UGT3A2: variants seen among roughly 807,000 people sequenced by gnomAD.
UGT3A2 encodes UDP glycosyltransferase family 3 member A2, also known as UDP-glycosyltransferase 3A2.
A neutral mutation model predicts 39.8 loss-of-function variants in UGT3A2; 32 were observed. That is an observed-to-expected ratio of 0.80 (90% CI 0.61 to 1.08). The LOEUF is 1.08. Among genes scored for constraint, UGT3A2 ranks in the 50% least tolerant of loss-of-function variants. The pLI, the probability that UGT3A2 is intolerant of heterozygous loss-of-function variation, is 0.00. For missense variants in UGT3A2, 611 were observed against 637.1 expected (o/e 0.96, Z 0.44); for synonymous variants, 241 against 230.7 (o/e 1.04, Z -0.40).
intron 1 of UGT3A2, 27 bp downstream of exon 1, chr5:36,066,669 C>A (rs369246806): frequency 6.2e-7 from 1 of 1,613,812 alleles, no homozygotes; most frequent in African/African-American, 1.3e-5. Flanking sequence ...ACGCGCCTGT[C>A]TGGGAATTCT....
chr5:36,058,411 A>T (rs1486741362), intron 2 of UGT3A2, among the ~76,000 whole-genome samples: 1 of 152,324 alleles, frequency 6.6e-6, no homozygotes, highest in East Asian at 1.9e-4. Flanking sequence ...GAGGGTCGTG[A>T]TCAACTCAGG....
At chr5:36,053,569 C>T (rs1742416419) in intron 2 of UGT3A2, among the ~76,000 whole-genome samples, 1 of 152,216 alleles carries the variant, frequency 6.6e-6, no homozygotes. Flanking sequence ...ACTGTAAAGG[C>T]TTTAGCATCC....
chr5:36,036,207 C>A (rs1741824364), intron 6 of UGT3A2, among the ~76,000 whole-genome samples: 1 of 152,164 alleles, frequency 6.6e-6, no homozygotes, highest in Admixed American at 6.5e-5. Context: ...AAAGACTAGT[C>A]CCTACTCCAA....
At chr5:36,036,329 G>T (rs974900981) in intron 6 of UGT3A2, among the ~76,000 whole-genome samples, 1 of 152,170 alleles carries the variant, frequency 6.6e-6, no homozygotes. Flanking sequence ...TCACTCTGGG[G>T]AATGTTAGGC....
intron 6 of UGT3A2, among the ~76,000 whole-genome samples, 177 bp from the exon 7 acceptor site, chr5:36,036,151 G>A (rs1394706162): frequency 1.3e-5 from 2 of 152,198 alleles, no homozygotes; most frequent in African/African-American, 4.8e-5. Flanking sequence ...AAAGATCCAT[G>A]TATAATGCTA....
intron 6 of UGT3A2, among the ~76,000 whole-genome samples, chr5:36,037,272 A>G (rs139106571): frequency 6.6e-6 from 1 of 152,314 alleles, no homozygotes; most frequent in African/African-American, 2.4e-5. Context: ...TACAGACCTT[A>G]AGAAGTGTTA....
rs1215556580 is a variant in UGT3A2 at position 36,049,401 on chromosome 5, A to G, written c.331T>C (p.Leu111=). 1.3e-6 allele frequency: 2 copies of G among 1,560,754 alleles called. No homozygotes were observed. Among genetic ancestry groups the G allele is most frequent in the East Asian group, 2.3e-5 (1 of 44,418 alleles). Residue 111 remains leucine, a synonymous_variant, in exon 4 of 7, where the codon TTA becomes CTA. Transcript: ENST00000282507. Reference sequence around the variant, plus strand: ...AACGCCAAGTATTCTAGAACATTTAATAAGTTTTCAAATTTTCCTCTGTAA... The same window carrying G: ...AACGCCAAGTATTCTAGAACATTTAGTAAGTTTTCAAATTTTCCTCTGTAA... ...LGGRGKFENL[L]NVLEYLALQC...
At position 36,037,681 on chromosome 5, in the gene UGT3A2, A is replaced by G. The variant is rs1020856007; in HGVS notation, c.1295+116T>C. The G allele has an allele frequency of 1.3e-5, 14 of 1,105,518 alleles. No individual in the cohort carries two copies. In the Admixed American group the frequency reaches 3.1e-4, roughly 24 times the overall value. 68.5% of individuals were successfully genotyped at this position (1,105,518 alleles called of 1,614,324 possible). ...CACATATTATCCCATGTCCTGGAAA[A>G]TACAGTTTTAATCTAAAGCAAAACA... On this transcript the variant is annotated intron_variant, in intron 6 of 6. Transcript: ENST00000282507.
At chr5:36,064,179 C>T (rs1280288283) in intron 2 of UGT3A2, 70 bp downstream of exon 2, 1 of 1,382,056 alleles carries the variant, frequency 7.2e-7, no homozygotes, top group African/African-American at 1.5e-5. Flanking sequence ...TTTTGCTAAG[C>T]CTTTCTATGC....
rs1741795003 is a variant in UGT3A2 at position 36,035,665 on chromosome 5, A to G, written c.*33T>C. ...CTCCCTAGAAATGGTGACATCGCCC[A>G]CCAAACAGACCCCGCCAAGGCTGCA... On this transcript the variant is annotated 3_prime_UTR_variant, in exon 7 of 7. Transcript: ENST00000282507. The G allele has an allele frequency of 6.2e-7, 1 of 1,601,966 alleles. No homozygotes were observed. Among genetic ancestry groups the G allele is most frequent in the Non-Finnish European group, 8.5e-7 (1 of 1,171,536 alleles).
Position 36,039,498 on chromosome 5 carries a change from G to A in UGT3A2, c.1054C>T (p.Leu352Phe), listed in dbSNP as rs1327001189. 1.2e-6 allele frequency: 2 copies of A among 1,614,118 alleles called. No homozygotes were observed. Among genetic ancestry groups the A allele is most frequent in the East Asian group, 2.2e-5 (1 of 44,878 alleles). ...TTACCCAGGAGGTCACTCTGAGGAA[G>A]CCAGTCCACAATTTTCACATTTGCA... Reference protein sequence around the residue: ...LAANVKIVDWLPQSDLLAHPS... With the variant: ...LAANVKIVDWFPQSDLLAHPS... The change falls in exon 5 of 7, where the codon CTT becomes TTT. Residue 352 changes from leucine to phenylalanine, a missense_variant. By Grantham distance (22) the Leu-to-Phe change is conservative. Transcript: ENST00000282507.
intron 4 of UGT3A2, among the ~76,000 whole-genome samples, chr5:36,045,392 A>T (rs62354171): frequency 0.24 from 37,134 of 151,942 alleles, 5,045 homozygotes; most frequent in Non-Finnish European, 0.3. Flanking sequence ...TCACCTGAGG[A>T]CAGGAGTTTG....
At chr5:36,063,685 C>A (rs1211017933) in intron 2 of UGT3A2, among the ~76,000 whole-genome samples, 1 of 152,178 alleles carries the variant, frequency 6.6e-6, no homozygotes. Context: ...TGCCCAGGCT[C>A]TAGTGCAGTG....
intron 6 of UGT3A2, 103 bp from the exon 7 acceptor site, chr5:36,036,077 A>C: frequency 1.4e-6 from 2 of 1,425,994 alleles, no homozygotes; most frequent in Middle Eastern, 2.3e-4. Flanking sequence ...TTCCAAGGAA[A>C]TTCTGTTGGC....
At position 36,035,918 on chromosome 5, in the gene UGT3A2, G is replaced by T. The variant is rs1279058780; in HGVS notation, c.1352C>A (p.Pro451His). Residue 451 changes from proline to histidine, a missense_variant, in exon 7 of 7, where the codon CCC (proline) becomes CAC (histidine). Physicochemically the swap from Pro to His is moderately conservative, Grantham distance 77. Coordinates refer to ENST00000282507, the MANE Select transcript of UGT3A2 (RefSeq NM_174914.4). Reference protein sequence around the residue: ...SVILRSHPLSPTQRLVGWIDH... With the variant: ...SVILRSHPLSHTQRLVGWIDH... Reference sequence around the variant, plus strand: ...AATCCAGCCCACCAGCCGCTGTGTGGGGCTGAGCGGGTGGGAGCGCAGGAT... The same window carrying T: ...AATCCAGCCCACCAGCCGCTGTGTGTGGCTGAGCGGGTGGGAGCGCAGGAT... 1.9e-6 allele frequency: 3 copies of T among 1,614,216 alleles called. No individual in the cohort carries two copies. In the South Asian group the frequency reaches 3.3e-5, roughly 18 times the overall value.
intron 4 of UGT3A2, 42 bp downstream of exon 4, chr5:36,048,847 C>A: frequency 5.7e-6 from 9 of 1,591,856 alleles, no homozygotes; most frequent in Non-Finnish European, 7.7e-6. Flanking sequence ...GCACTGAAGG[C>A]CTCTGCGTGA....
At chr5:36,055,571 A>T (rs1044373840) in intron 2 of UGT3A2, among the ~76,000 whole-genome samples, 1 of 152,134 alleles carries the variant, frequency 6.6e-6, no homozygotes, top group Admixed American at 6.5e-5. Flanking sequence ...ACCACCAGCT[A>T]GTGTCTAGAT....
chr5:36,053,173 A>G (rs1581010822), intron 2 of UGT3A2, among the ~76,000 whole-genome samples: 2 of 152,216 alleles, frequency 1.3e-5, no homozygotes, highest in African/African-American at 4.8e-5. Context: ...TTCATTTGCC[A>G]CACTCATTTA....
intron 2 of UGT3A2, among the ~76,000 whole-genome samples, chr5:36,057,662 C>T (rs535900763): frequency 6.6e-5 from 10 of 151,478 alleles, no homozygotes; most frequent in African/African-American, 2.2e-4. Context: ...CAGCTTCCCA[C>T]GTAGCTGGGA....
Sources: gnomAD v4.1 joint callset for allele counts (sites outside exome capture counted in the v4.1 genomes callset) on GRCh38, gnomAD v4.1.1 for gene constraint, MANE v1.5 for transcripts, NCBI Gene and HGNC (gene_info 2026-07-23, HGNC 2026-07-21) for gene names.